The following CLASP2 variants were observed in gnomAD, a reference collection of about 807,000 sequenced individuals.
CLASP2 encodes cytoplasmic linker associated protein 2.
CLASP2 carries 47 observed loss-of-function variants against 194.4 expected under a neutral mutation model. That is an observed-to-expected ratio of 0.24 (90% confidence interval 0.19 to 0.31). The LOEUF (loss-of-function observed/expected upper bound fraction) is 0.31, where lower values mean the gene tolerates loss of function less well. CLASP2 is among the 10% of genes least tolerant of loss of function. CLASP2 has a pLI of 1.00. For missense variants in CLASP2, 1,445 were observed against 1,823.6 expected (o/e 0.79, Z 3.78); for synonymous variants, 619 against 633.5 (o/e 0.98, Z 0.34).
intron 8 of CLASP2, among the ~76,000 whole-genome samples, chr3:33,642,347 C>T (rs184103493): frequency 2.2e-4 from 34 of 151,750 alleles, no homozygotes; most frequent in East Asian, 7.7e-4. Flanking sequence ...TTTAAGACAA[C>T]GAGAAAATGC....
chr3:33,541,500 G>A (rs1200560369), intron 32 of CLASP2, among the ~76,000 whole-genome samples: 3 of 152,056 alleles, frequency 2.0e-5, no homozygotes, highest in Non-Finnish European at 4.4e-5. Flanking sequence ...TCTGCCCTCT[G>A]GTAGGCCCCA....
chr3:33,659,287 T>C (rs1410018039), intron 7 of CLASP2: 2 of 1,186,254 alleles, frequency 1.7e-6, no homozygotes, highest in Non-Finnish European at 2.1e-6. Flanking sequence ...TGTTTCTCCT[T>C]GTACTGGCTG....
chr3:33,517,332 G>A (rs1412005344), intron 34 of CLASP2, among the ~76,000 whole-genome samples, 158 bp from the exon 35 acceptor site: 1 of 152,134 alleles, frequency 6.6e-6, no homozygotes, highest in Non-Finnish European at 1.5e-5. Flanking sequence ...TTTCAATTTT[G>A]TCATTCCCAA....
intron 7 of CLASP2, among the ~76,000 whole-genome samples, chr3:33,653,228 T>G (rs923319781): frequency 1.3e-5 from 2 of 152,024 alleles, no homozygotes; most frequent in Admixed American, 6.6e-5. Context: ...ATACCACACA[T>G]GAAAATATGT....
chr3:33,603,421 T>A (rs1032030895), intron 17 of CLASP2, among the ~76,000 whole-genome samples: 1 of 152,212 alleles, frequency 6.6e-6, no homozygotes, highest in Non-Finnish European at 1.5e-5. Flanking sequence ...GAAGAGATGA[T>A]GTTTAGGACT....
At chr3:33,630,608 TA>T (rs1327064481) in intron 9 of CLASP2, among the ~76,000 whole-genome samples, 1 of 151,930 alleles carries the variant, frequency 6.6e-6, no homozygotes, top group Non-Finnish European at 1.5e-5. Context: ...ACGGACTCTT[TA>T]AAAATGGGGT....
chr3:33,678,643 A>C (rs966585692), intron 6 of CLASP2, among the ~76,000 whole-genome samples: 1 of 152,212 alleles, frequency 6.6e-6, no homozygotes, highest in Non-Finnish European at 1.5e-5. Context: ...GTTAAAAAGG[A>C]GTTCTTTAGA....
intron 35 of CLASP2, 95 bp downstream of exon 35, chr3:33,516,886 T>C (rs2051482840): frequency 9.3e-7 from 1 of 1,072,136 alleles, no homozygotes; most frequent in Non-Finnish European, 1.4e-6. Flanking sequence ...AAGAGATTCA[T>C]TCTCCCAATT....
intron 8 of CLASP2, among the ~76,000 whole-genome samples, chr3:33,641,439 G>A (rs2081265048): frequency 6.6e-6 from 1 of 151,664 alleles, no homozygotes; most frequent in African/African-American, 2.4e-5. Context: ...ACATAATATG[G>A]ATTTTTATAG....
chr3:33,601,592 T>G (rs773110452), intron 18 of CLASP2, among the ~76,000 whole-genome samples: 3 of 152,222 alleles, frequency 2.0e-5, no homozygotes, highest in African/African-American at 7.2e-5. Context: ...TTTTCCTTCA[T>G]GGCTTATTTG....
intron 17 of CLASP2, 117 bp from the exon 18 acceptor site, chr3:33,603,242 G>A (rs2072784144): frequency 9.3e-7 from 1 of 1,075,942 alleles, no homozygotes; most frequent in Admixed American, 2.9e-5. Flanking sequence ...AAAAGGCTGT[G>A]GCCAAATGGA....
chr3:33,579,627 T>C (rs886877530), intron 23 of CLASP2, among the ~76,000 whole-genome samples: 1 of 152,190 alleles, frequency 6.6e-6, no homozygotes, highest in Non-Finnish European at 1.5e-5. Context: ...GCAGTGATGA[T>C]GACCATGATG....
chr3:33,567,360 T>C (rs1215236580), intron 26 of CLASP2, among the ~76,000 whole-genome samples: 3 of 152,222 alleles, frequency 2.0e-5, no homozygotes, highest in Non-Finnish European at 4.4e-5. Context: ...CTGTGCCTCA[T>C]TTTAGTAGCC....
chr3:33,607,306 T>G, intron 15 of CLASP2, 78 bp downstream of exon 15: 1 of 973,988 alleles, frequency 1.0e-6, no homozygotes, highest in Non-Finnish European at 1.5e-6. Flanking sequence ...CTTGGACACT[T>G]CTGATATTTT....
chr3:33,699,537 C>A (rs2092217826), intron 1 of CLASP2, among the ~76,000 whole-genome samples: 1 of 152,020 alleles, frequency 6.6e-6, no homozygotes, highest in Admixed American at 6.6e-5. Context: ...AGTAAGGAGA[C>A]AATGGAATGA....
At chr3:33,529,809 G>A (rs1346664947) in intron 34 of CLASP2, among the ~76,000 whole-genome samples, 4 of 151,596 alleles carry the variant, frequency 2.6e-5, no homozygotes, top group African/African-American at 7.3e-5. Flanking sequence ...GTGAAACCCC[G>A]TCTCTACTAA....
intron 8 of CLASP2, among the ~76,000 whole-genome samples, chr3:33,632,602 GT>G (rs76756250): frequency 0.17 from 25,216 of 152,116 alleles, 2,416 homozygotes; most frequent in Admixed American, 0.3. Context: ...TATTCAAACT[GT>G]TAAGAACACA....
At chr3:33,687,473 G>A (rs999421030) in intron 4 of CLASP2, among the ~76,000 whole-genome samples, 1 of 152,126 alleles carries the variant, frequency 6.6e-6, no homozygotes, top group African/African-American at 2.4e-5. Flanking sequence ...TTTTAAAATT[G>A]TGATTTTTTT....
chr3:33,673,355 G>A (rs1329609058), intron 6 of CLASP2, among the ~76,000 whole-genome samples: 1 of 152,152 alleles, frequency 6.6e-6, no homozygotes, highest in Non-Finnish European at 1.5e-5. Flanking sequence ...CTTCAGAAGT[G>A]AAGGAGAAAT....
Sources: allele counts gnomAD v4.1 joint callset (sites outside exome capture counted in the v4.1 genomes callset), GRCh38; gene constraint gnomAD v4.1.1; transcripts MANE v1.5; gene names NCBI Gene and HGNC (gene_info 2026-07-23, HGNC 2026-07-21).